ZFPM2: variants seen among roughly 807,000 people sequenced by gnomAD.
ZFPM2 encodes the protein zinc finger protein, FOG family member 2, also known as zinc finger protein ZFPM2.
ZFPM2 carries 20 observed loss-of-function variants against 98.6 expected under a neutral mutation model. That is an observed-to-expected ratio of 0.20 (90% CI 0.14 to 0.29). The LOEUF (loss-of-function observed/expected upper bound fraction) is 0.29, where lower values mean the gene tolerates loss of function less well. Among genes scored for constraint, ZFPM2 ranks in the 10% least tolerant of loss-of-function variants. ZFPM2 has a pLI of 1.00. For missense variants in ZFPM2, 1,310 were observed against 1,388.6 expected, an observed-to-expected ratio of 0.94 and a Z score of 0.90; for synonymous variants, 518 against 502.7, an observed-to-expected ratio of 1.03 and a Z score of -0.41.
chr8:105,474,075 A>G (rs1262813570), intron 3 of ZFPM2, among the ~76,000 whole-genome samples: 1 of 152,234 alleles, frequency 6.6e-6, no homozygotes, highest in Admixed American at 6.5e-5. Flanking sequence ...TTATGATGAT[A>G]TACTTGATAG....
chr8:105,776,754 G>T (rs1813115102), intron 5 of ZFPM2, among the ~76,000 whole-genome samples: 1 of 152,020 alleles, frequency 6.6e-6, no homozygotes, highest in African/African-American at 2.4e-5. Context: ...TTATTTCCTG[G>T]TATTCAAGGA....
At chr8:105,654,991 TCAGA>T (rs1384261213) in intron 5 of ZFPM2, among the ~76,000 whole-genome samples, 13 of 152,136 alleles carry the variant, frequency 8.5e-5, no homozygotes, top group East Asian at 1.9e-4. Flanking sequence ...GTTTTAGTAC[TCAGA>T]CAGATTCCCA....
intron 6 of ZFPM2, among the ~76,000 whole-genome samples, chr8:105,796,369 G>A (rs575300023): frequency 5.9e-5 from 9 of 151,414 alleles, no homozygotes; most frequent in African/African-American, 2.0e-4. Flanking sequence ...GATGCAGAGA[G>A]CTTTTGCTTT....
intron 5 of ZFPM2, among the ~76,000 whole-genome samples, chr8:105,691,094 G>C (rs1319935311): frequency 3.3e-5 from 5 of 152,032 alleles, no homozygotes; most frequent in African/African-American, 1.2e-4. Flanking sequence ...AGGTATGTTA[G>C]CCTTCTTTTA....
At chr8:105,519,280 C>A (rs991059262) in intron 3 of ZFPM2, among the ~76,000 whole-genome samples, 1 of 151,942 alleles carries the variant, frequency 6.6e-6, no homozygotes, top group Non-Finnish European at 1.5e-5. Context: ...AAGTTCATAC[C>A]TGAAATTTTA....
At chr8:105,593,943 A>G (rs1178793538) in intron 4 of ZFPM2, among the ~76,000 whole-genome samples, 2 of 152,160 alleles carry the variant, frequency 1.3e-5, no homozygotes, top group Non-Finnish European at 2.9e-5. Flanking sequence ...ATATGGAGTC[A>G]TTATGGCCTG....
intron 5 of ZFPM2, among the ~76,000 whole-genome samples, chr8:105,688,159 GTTA>G (rs1810786463): frequency 6.6e-6 from 1 of 152,036 alleles, no homozygotes; most frequent in South Asian, 2.1e-4. Context: ...AGAAAATTAA[GTTA>G]TGAAGAGCCT....
At chr8:105,564,695 C>A (rs1245302285) in intron 4 of ZFPM2, among the ~76,000 whole-genome samples, 1 of 152,044 alleles carries the variant, frequency 6.6e-6, no homozygotes, top group Non-Finnish European at 1.5e-5. Context: ...AGTATAACAT[C>A]TGTAACATGA....
intron 5 of ZFPM2, among the ~76,000 whole-genome samples, chr8:105,654,156 A>G (rs1441797272): frequency 6.6e-6 from 1 of 151,724 alleles, no homozygotes; most frequent in Admixed American, 6.6e-5. Context: ...GACCCCTGGA[A>G]CTCTCAGGAG....
intron 4 of ZFPM2, among the ~76,000 whole-genome samples, chr8:105,586,879 C>T (rs1815730975): frequency 7.3e-6 from 1 of 136,492 alleles, no homozygotes; most frequent in Admixed American, 7.2e-5. Flanking sequence ...TTTGAGCAGA[C>T]ATAAAATTTG....
intron 5 of ZFPM2, among the ~76,000 whole-genome samples, chr8:105,699,883 G>A (rs1206969708): frequency 6.6e-6 from 1 of 152,024 alleles, no homozygotes; most frequent in Non-Finnish European, 1.5e-5. Context: ...TATTGTTTAT[G>A]ATAAATATTT....
chr8:105,570,889 A>C (rs1174148353), intron 4 of ZFPM2, among the ~76,000 whole-genome samples: 2 of 152,194 alleles, frequency 1.3e-5, no homozygotes. Context: ...CCAAGTTTGA[A>C]CTTTTAAAAA....
intron 4 of ZFPM2, among the ~76,000 whole-genome samples, chr8:105,575,845 A>G (rs1429015189): frequency 4.6e-5 from 7 of 152,168 alleles, no homozygotes; most frequent in African/African-American, 7.2e-5. Context: ...ATATGAAGCT[A>G]TCTTTCATAA....
chr8:105,487,113 T>C (rs1220935893), intron 3 of ZFPM2, among the ~76,000 whole-genome samples: 1 of 152,114 alleles, frequency 6.6e-6, no homozygotes, highest in Non-Finnish European at 1.5e-5. Flanking sequence ...TAGTGTGTTA[T>C]ATTATATTTT....
At chr8:105,418,858 CA>C (rs1190096987) in intron 1 of ZFPM2, 10 of 548,600 alleles carry the variant, frequency 1.8e-5, no homozygotes, top group African/African-American at 9.5e-5. Context: ...AAGAGCGAAT[CA>C]AAAAAATAAG....
Position 105,798,816 on chromosome 8 carries a change from A to C in ZFPM2, c.832A>C (p.Arg278=), listed in dbSNP as rs1813910955. The part of the protein sequence containing the change: ...HLMYYCSGRQ[R]EAAPVSEENE... The stretch of plus-strand genomic sequence containing the variant: ...GATGTACTACTGCAGTGGGAGGCAA[A>C]GAGAAGCTGCTCCGGTGTCAGAGGA... Residue 278 remains arginine (R), a synonymous_variant, in exon 7 of 8, where the codon AGA becomes CGA. Coordinates refer to ENST00000407775, the MANE Select transcript of ZFPM2 (RefSeq NM_012082.4). The C allele has an allele frequency of 6.2e-7, 1 of 1,613,864 alleles. No homozygotes were observed. The highest frequency in any genetic ancestry group is 1.3e-5 in the African/African-American group (1 of 74,924).
intron 3 of ZFPM2, among the ~76,000 whole-genome samples, chr8:105,509,546 T>A (rs1057235057): frequency 1.3e-5 from 2 of 152,198 alleles, no homozygotes; most frequent in Non-Finnish European, 2.9e-5. Context: ...CTTTGGTACA[T>A]TGATCCCTTG....
At chr8:105,676,392 A>G (rs1168919304) in intron 5 of ZFPM2, among the ~76,000 whole-genome samples, 1 of 152,164 alleles carries the variant, frequency 6.6e-6, no homozygotes, top group Non-Finnish European at 1.5e-5. Flanking sequence ...TAGTACTGAA[A>G]TTTGTATTAT....
chr8:105,428,662 TTGCAAAG>T (rs1236889617), intron 2 of ZFPM2, among the ~76,000 whole-genome samples: 1 of 152,116 alleles, frequency 6.6e-6, no homozygotes, highest in Non-Finnish European at 1.5e-5. Flanking sequence ...GTAGAAATGT[TTGCAAAG>T]TGAACTCTTT....
Sources: allele counts gnomAD v4.1 joint callset (sites outside exome capture counted in the v4.1 genomes callset), GRCh38; gene constraint gnomAD v4.1.1; transcripts MANE v1.5; gene names NCBI Gene and HGNC (gene_info 2026-07-23, HGNC 2026-07-21).